Variants in MYLIP observed in about 807,000 individuals in gnomAD.
MYLIP encodes the protein E3 ubiquitin-protein ligase MYLIP.
MYLIP carries 26 observed loss-of-function variants against 45.8 expected under a neutral mutation model. The ratio of observed to expected loss-of-function variants is 0.57; its 90% CI spans 0.42 to 0.79. MYLIP has a LOEUF of 0.79. Ranked by LOEUF, MYLIP falls within the 30% of genes least tolerant of loss-of-function variation. The pLI is 0.00. For synonymous variants in MYLIP, 213 were observed against 218.1 expected (o/e 0.98, Z 0.21); for missense variants, 494 against 555.6 (o/e 0.89, Z 1.11).
chr6:16,151,125 G>T (rs1759873201), downstream of MYLIP, among the ~76,000 whole-genome samples: 1 of 151,958 alleles, frequency 6.6e-6, no homozygotes, highest in Non-Finnish European at 1.5e-5. Context: ...CGAGGCGGGT[G>T]GATCACGAGG....
At chr6:16,143,971 A>C (rs1581608077) in intron 5 of MYLIP, 108 bp downstream of exon 5, 1 of 1,227,602 alleles carries the variant, frequency 8.1e-7, no homozygotes, top group African/African-American at 1.5e-5. Context: ...AGTCTAGTAC[A>C]GAATTTAAGA....
chr6:16,135,325 A>G (rs1462763017), intron 2 of MYLIP, among the ~76,000 whole-genome samples: 1 of 152,202 alleles, frequency 6.6e-6, no homozygotes, highest in Non-Finnish European at 1.5e-5. Flanking sequence ...TTTTTTTAGA[A>G]GTGCAGATTT....
At chr6:16,161,355 T>C in the MYLIP span, 1 of 252,978 alleles carries the variant, frequency 4.0e-6, no homozygotes, top group Non-Finnish European at 8.1e-6. Flanking sequence ...CGGCTGTGCC[T>C]TCTCCTGCTG....
chr6:16,141,537 C>T, intron 2 of MYLIP, 88 bp from the exon 3 acceptor site: 1 of 1,284,262 alleles, frequency 7.8e-7, no homozygotes, highest in Non-Finnish European at 1.1e-6. Context: ...AATTGCTTTC[C>T]TTAAAAGTGA....
chr6:16,160,434 A>C, the MYLIP span, among the ~76,000 whole-genome samples: 1 of 152,138 alleles, frequency 6.6e-6, no homozygotes, highest in Non-Finnish European at 1.5e-5. Context: ...AATCTAAACC[A>C]ATCGGGAATT....
chr6:16,129,296 G>A lies in MYLIP; in HGVS notation c.-27G>A. 3.9e-6 allele frequency: 6 copies of A among 1,551,532 alleles called. No individual in the cohort carries two copies. The highest frequency in any genetic ancestry group is 1.2e-5 in the South Asian group (1 of 84,248). On this transcript the variant is annotated 5_prime_UTR_variant, in exon 1 of 7. Transcript: ENST00000356840. The surrounding 1 kb of genome is among the most constrained non-coding windows in gnomAD (Gnocchi z 5.1). ...CCCCGCGCACACCAAAGAGAAGGCG[G>A]CTGTGGCGGCAGCGGCAGCCCCAGC...
chr6:16,161,299 A>G, the MYLIP span: 6 of 359,582 alleles, frequency 1.7e-5, no homozygotes, highest in Non-Finnish European at 2.8e-5. Context: ...TGTCACATCT[A>G]TTACTGGACC....
chr6:16,134,145 G>T (rs151123667), intron 2 of MYLIP, among the ~76,000 whole-genome samples: 2 of 152,054 alleles, frequency 1.3e-5, no homozygotes, highest in Non-Finnish European at 2.9e-5. Context: ...GTGGTAATTT[G>T]TTTATTATCA....
intron 2 of MYLIP, among the ~76,000 whole-genome samples, chr6:16,137,353 G>A (rs1759577210): frequency 6.6e-6 from 1 of 152,204 alleles, no homozygotes; most frequent in Admixed American, 6.5e-5. Flanking sequence ...CGTGGGTTCT[G>A]ACAAGGTGAG....
the MYLIP span, among the ~76,000 whole-genome samples, chr6:16,163,024 G>A: frequency 6.6e-6 from 1 of 151,940 alleles, no homozygotes; most frequent in Non-Finnish European, 1.5e-5. Flanking sequence ...TGAAGATGAG[G>A]GGTGCTAGCG....
chr6:16,138,320 C>CA lies in MYLIP; in HGVS notation c.279-3294dup, dbSNP rs78468965. ...TATTGGTAACATTTTGCCTACTTTA[C>CA]AAAAAAAAAAAGGAGGGGGCAAAAC... On this transcript the variant is annotated intron_variant, in intron 2 of 6. Coordinates refer to ENST00000356840, the MANE Select transcript of MYLIP (RefSeq NM_013262.4). Among the ~76,000 whole-genome samples, 1,075 of 133,304 alleles carry CA rather than the reference C, an allele frequency of 8.1e-3. 11 individuals carry two copies. The highest frequency in any genetic ancestry group is 0.023 in the African/African-American group (848 of 36,240). 87.5% of individuals were successfully genotyped at this position (133,304 alleles called of 152,430 possible). A position where few individuals can be genotyped will look rare whatever the true frequency, so the allele number is the denominator to read the frequency against.
At position 16,129,372 on chromosome 6, in the gene MYLIP, T is replaced by C. The variant is rs201021082; in HGVS notation, c.50T>C (p.Val17Ala). 2.2e-5 allele frequency: 35 copies of C among 1,591,194 alleles called. No homozygotes were observed. The highest frequency in any genetic ancestry group is 2.8e-5 in the Non-Finnish European group (33 of 1,169,228). Residue 17 changes from valine (V) to alanine (A), a missense_variant, in exon 1 of 7, where the codon GTG becomes GCG. Physicochemically the swap from Val to Ala is moderately conservative, Grantham distance 64. Coordinates refer to ENST00000356840, the MANE Select transcript of MYLIP (RefSeq NM_013262.4). This position sits in a 1 kb window ranked among gnomAD's most constrained non-coding sequence, Gnocchi z 5.1. ...RPDAVLMEVE[V>A]EAKANGEDCL... is the part of the protein sequence containing the mutation. ...GACGCGGTGCTGATGGAGGTGGAGG[T>C]GGAGGCGAAAGCCAACGGCGAGGAC...
intron 2 of MYLIP, among the ~76,000 whole-genome samples, chr6:16,139,873 G>A (rs1260696523): frequency 6.6e-6 from 1 of 152,136 alleles, no homozygotes; most frequent in Admixed American, 6.5e-5. Flanking sequence ...AAAAACTGCA[G>A]TATTTGGCAG....
chr6:16,144,845 G>C, intron 5 of MYLIP, 52 bp from the exon 6 acceptor site: 3 of 1,554,234 alleles, frequency 1.9e-6, no homozygotes, highest in Non-Finnish European at 2.6e-6. Flanking sequence ...AGCGAATAAG[G>C]GTGCTGCCAG....
At chr6:16,132,400 C>A (rs2113512725) in intron 2 of MYLIP, among the ~76,000 whole-genome samples, 1 of 152,218 alleles carries the variant, frequency 6.6e-6, no homozygotes, top group South Asian at 2.1e-4. Flanking sequence ...GTCTTGGTCT[C>A]TCCTTTATTG....
At chr6:16,144,770 C>A in intron 5 of MYLIP, 127 bp from the exon 6 acceptor site, 1 of 1,064,486 alleles carries the variant, frequency 9.4e-7, no homozygotes, top group Non-Finnish European at 1.4e-6. Context: ...ACTGGAAGGA[C>A]TTACTTTCAT....
intron 2 of MYLIP, among the ~76,000 whole-genome samples, chr6:16,140,733 A>T (rs966649887): frequency 1.3e-5 from 2 of 152,080 alleles, no homozygotes; most frequent in African/African-American, 4.8e-5. Context: ...ATGACAGGAG[A>T]CGTGGCTGGA....
At chr6:16,156,604 A>G in the MYLIP span, among the ~76,000 whole-genome samples, 2 of 152,372 alleles carry the variant, frequency 1.3e-5, no homozygotes, top group South Asian at 4.1e-4. Context: ...TGGGGCACCC[A>G]AGTTGCTCAA....
At chr6:16,132,415 A>G (rs1581601000) in intron 2 of MYLIP, among the ~76,000 whole-genome samples, 1 of 152,318 alleles carries the variant, frequency 6.6e-6, no homozygotes, top group Admixed American at 6.5e-5. Flanking sequence ...TTATTGATTC[A>G]ATTGACTTGG....
Sources: allele counts gnomAD v4.1 joint callset (sites outside exome capture counted in the v4.1 genomes callset), GRCh38; gene constraint gnomAD v4.1.1; non-coding constraint Gnocchi (gnomAD v3.1); transcripts MANE v1.5; gene names NCBI Gene and HGNC (gene_info 2026-07-23, HGNC 2026-07-21).